The following ADAMTS17 variants were observed in gnomAD, a reference collection of about 807,000 sequenced individuals.
The protein encoded by ADAMTS17 is ADAM metallopeptidase with thrombospondin type 1 motif 17, also known as A disintegrin and metalloproteinase with thrombospondin motifs 17.
In ADAMTS17, 113 loss-of-function variants were observed where a neutral mutation model predicts 141.5. The ratio of observed to expected loss-of-function variants is 0.80; its 90% CI spans 0.69 to 0.93. ADAMTS17 has a LOEUF of 0.93. Ranked by LOEUF, ADAMTS17 falls within the 40% of genes least tolerant of loss-of-function variation. The probability of loss-of-function intolerance (pLI) is 0.00; values close to 1 mark genes in which losing one functional copy is unlikely to be tolerated. For missense variants in ADAMTS17, 1,659 were observed against 1,517.9 expected, an observed-to-expected ratio of 1.09 and a Z score of -1.54; for synonymous variants, 768 against 630.6, an observed-to-expected ratio of 1.22 and a Z score of -3.27.
At chr15:100,328,144 C>T (rs147438122) in intron 3 of ADAMTS17, among the ~76,000 whole-genome samples, 138 of 152,298 alleles carry the variant, frequency 9.1e-4, no homozygotes, top group Non-Finnish European at 1.6e-3. Flanking sequence ...GAGCATGTTC[C>T]CATGGGAAAG....
chr15:99,996,283 G>A (rs2060801066), intron 19 of ADAMTS17, among the ~76,000 whole-genome samples: 1 of 151,912 alleles, frequency 6.6e-6, no homozygotes, highest in Admixed American at 6.6e-5. Context: ...GTTTTGATCT[G>A]ATCAAAGCAC....
chr15:100,209,247 G>A (rs894374610), intron 7 of ADAMTS17, among the ~76,000 whole-genome samples: 4 of 151,746 alleles, frequency 2.6e-5, no homozygotes, highest in East Asian at 3.9e-4. Flanking sequence ...GTGAAACCTC[G>A]GGACAAGGGT....
At chr15:100,334,208 A>G (rs1011009431) in intron 2 of ADAMTS17, among the ~76,000 whole-genome samples, 2 of 152,200 alleles carry the variant, frequency 1.3e-5, no homozygotes, top group Non-Finnish European at 2.9e-5. Context: ...TGAAAGACAT[A>G]GAGGTTTTTA....
chr15:99,995,204 A>T (rs1305297381), intron 19 of ADAMTS17, among the ~76,000 whole-genome samples: 1 of 152,158 alleles, frequency 6.6e-6, no homozygotes, highest in Non-Finnish European at 1.5e-5. Context: ...CCATTTCAGC[A>T]ACTCTGTCCT....
intron 8 of ADAMTS17, among the ~76,000 whole-genome samples, chr15:100,196,051 T>C (rs2041104399): frequency 6.6e-6 from 1 of 152,194 alleles, no homozygotes; most frequent in African/African-American, 2.4e-5. Flanking sequence ...TAGTAGGTGT[T>C]CAATAAACAA....
rs1324921767 is a variant in ADAMTS17 at position 100,060,062 on chromosome 15, G to A, written c.2138-6008C>T. 3.3e-5 allele frequency among the ~76,000 whole-genome samples: 5 copies of A among 152,182 alleles called. No homozygotes were observed. The South Asian group carries it at 8.3e-4, about 25-fold the overall frequency. ...TCCATGGGGCAATTAAAATGATTAC[G>A]AATGCTTTGATTTTATGGGCAATTA... On this transcript the variant is annotated intron_variant, in intron 15 of 21. Coordinates refer to ENST00000268070, the MANE Select transcript of ADAMTS17 (RefSeq NM_139057.4).
At chr15:100,222,196 G>C (rs559560774) in intron 7 of ADAMTS17, among the ~76,000 whole-genome samples, 10 of 152,296 alleles carry the variant, frequency 6.6e-5, no homozygotes, top group African/African-American at 2.2e-4. Context: ...CTGTGGTACA[G>C]ACACCAAAAT....
chr15:99,977,392 ATATATATAAT>A lies in ADAMTS17; in HGVS notation c.2950-1180_2950-1171del, dbSNP rs2060379898. ...TATATATATATATATATATATATAT[ATATATATAAT>A]TTTTTTTTTTTTTTTTTTTTTTTTT... On this transcript the variant is annotated intron_variant, in intron 20 of 21. Coordinates refer to ENST00000268070, the MANE Select transcript of ADAMTS17 (RefSeq NM_139057.4). 2.3e-3 allele frequency among the ~76,000 whole-genome samples: 15 copies of A among 6,562 alleles called. 1 individual carries two copies. The highest frequency in any genetic ancestry group is 7.9e-3 in the African/African-American group (15 of 1,888). The allele number at this position is 6,562 out of a possible 152,430, so 4.3% of individuals were successfully genotyped here. A position where few individuals can be genotyped will look rare whatever the true frequency, so the allele number is the denominator to read the frequency against.
chr15:100,164,725 C>T (rs925396955), intron 8 of ADAMTS17, among the ~76,000 whole-genome samples: 3 of 152,174 alleles, frequency 2.0e-5, no homozygotes, highest in East Asian at 1.9e-4. Context: ...CCCACTTCAA[C>T]GCCTTTATTC....
At chr15:100,159,913 G>A (rs2039610325) in intron 8 of ADAMTS17, among the ~76,000 whole-genome samples, 1 of 152,200 alleles carries the variant, frequency 6.6e-6, no homozygotes, top group Non-Finnish European at 1.5e-5. Context: ...TTAAGAACAT[G>A]CATAGTTTCA....
intron 3 of ADAMTS17, among the ~76,000 whole-genome samples, chr15:100,315,971 C>T (rs1265801582): frequency 5.3e-5 from 8 of 152,216 alleles, no homozygotes; most frequent in Non-Finnish European, 1.0e-4. Context: ...TGAACACTCC[C>T]GAGGAAATCT....
intron 4 of ADAMTS17, among the ~76,000 whole-genome samples, chr15:100,271,303 T>G (rs2043902088): frequency 6.6e-6 from 1 of 152,330 alleles, no homozygotes; most frequent in Middle Eastern, 3.4e-3. Context: ...GTAATTCTGT[T>G]TCATTGAGGA....
At chr15:100,085,334 G>A (rs2035027880) in intron 15 of ADAMTS17, among the ~76,000 whole-genome samples, 1 of 146,676 alleles carries the variant, frequency 6.8e-6, no homozygotes, top group South Asian at 2.1e-4. Flanking sequence ...CAAGAAATAT[G>A]GGACTATGTG....
intron 18 of ADAMTS17, among the ~76,000 whole-genome samples, chr15:100,031,012 G>T (rs1323417272): frequency 6.6e-6 from 1 of 152,192 alleles, no homozygotes; most frequent in African/African-American, 2.4e-5. Context: ...CGTTCACGGA[G>T]TGCTGACTCG....
chr15:100,143,763 T>C (rs1008125459), intron 10 of ADAMTS17, among the ~76,000 whole-genome samples: 3 of 152,208 alleles, frequency 2.0e-5, no homozygotes, highest in Non-Finnish European at 2.9e-5. Context: ...GGTATGCAAA[T>C]GTTTGAGAAA....
In ADAMTS17 at chr15:100,335,066, C is replaced by T. The variant is rs112923965; in HGVS notation, c.451-4012G>A. 3.0e-3 allele frequency among the ~76,000 whole-genome samples: 452 copies of T among 152,152 alleles called. 2 individuals carry two copies. The highest frequency in any genetic ancestry group is 8.9e-3 in the East Asian group (46 of 5,148). ...TGACCCTCAGAGTGCCCTCCCAGGA[C>T]GGCAGCATCAGCACCCCCGGGGGAA... On this transcript the variant is annotated intron_variant, in intron 2 of 21. Coordinates refer to ENST00000268070, the MANE Select transcript of ADAMTS17 (RefSeq NM_139057.4).
intron 8 of ADAMTS17, among the ~76,000 whole-genome samples, chr15:100,161,174 G>A (rs1377035114): frequency 1.3e-5 from 2 of 152,040 alleles, no homozygotes; most frequent in Non-Finnish European, 2.9e-5. Context: ...TATTTGTTTT[G>A]GGAGACACAA....
In ADAMTS17 at chr15:100,270,756, A is replaced by C. The variant is rs188193696; in HGVS notation, c.790-8321T>G. Among the ~76,000 whole-genome samples the C allele has an allele frequency of 9.4e-4, 142 of 150,614 alleles. 5 individuals carry two copies. Among genetic ancestry groups the C allele is most frequent in the Non-Finnish European group, 9.6e-4 (65 of 67,678 alleles). On this transcript the variant is annotated intron_variant, in intron 4 of 21. Coordinates refer to ENST00000268070, the MANE Select transcript of ADAMTS17 (RefSeq NM_139057.4). ...TTTTAAAAATTGTGGTAAAATATGC[A>C]TAACATAAAATTTTACCATTTTAAA...
chr15:100,219,119 T>A (rs2042056264), intron 7 of ADAMTS17, among the ~76,000 whole-genome samples: 1 of 152,198 alleles, frequency 6.6e-6, no homozygotes, highest in South Asian at 2.1e-4. Flanking sequence ...TGTATGATTC[T>A]GTTTAGATGA....
Sources: allele counts gnomAD v4.1 joint callset (sites outside exome capture counted in the v4.1 genomes callset), GRCh38; gene constraint gnomAD v4.1.1; transcripts MANE v1.5; gene names NCBI Gene and HGNC (gene_info 2026-07-23, HGNC 2026-07-21).